Variants in KCNMA1 observed in about 807,000 individuals in gnomAD.
The protein encoded by KCNMA1 is Calcium-activated potassium channel subunit alpha-1.
Under a neutral mutation model 140.0 loss-of-function variants are expected in KCNMA1, and 29 were observed. The ratio of observed to expected loss-of-function variants is 0.21; its 90% CI spans 0.15 to 0.28. The LOEUF (loss-of-function observed/expected upper bound fraction) is 0.28. Among genes scored for constraint, KCNMA1 ranks in the 10% least tolerant of loss-of-function variants. The pLI, the probability that KCNMA1 is intolerant of heterozygous loss-of-function variation, is 1.00. For missense variants in KCNMA1, 880 were observed against 1,602.2 expected, an observed-to-expected ratio of 0.55 and a Z score of 7.70; for synonymous variants, 612 against 611.9, an observed-to-expected ratio of 1.00 and a Z score of 0.00.
At position 77,079,188 on chromosome 10, in the gene KCNMA1, T is replaced by C. The variant is rs570032877; in HGVS notation, c.1593+293A>G. Among the ~76,000 whole-genome samples the C allele has an allele frequency of 1.5e-4, 23 of 152,142 alleles. No individual in the cohort carries two copies. The South Asian group carries it at 4.4e-3, about 29-fold the overall frequency. On this transcript the variant is annotated intron_variant, in intron 13 of 27. Coordinates refer to ENST00000286628, the MANE Select transcript of KCNMA1 (RefSeq NM_001161352.2). The stretch of plus-strand genomic sequence containing the variant: ...AAGAGGCAGAGGCAGGAGAATTGCT[T>C]GAACTTGGGAGGTGGAGGTTGTGGG...
chr10:77,414,461 C>G (rs1272003999), intron 1 of KCNMA1, among the ~76,000 whole-genome samples: 3 of 152,074 alleles, frequency 2.0e-5, no homozygotes. Flanking sequence ...TCACAAGAAG[C>G]CTGCAAGATA....
chr10:77,189,521 T>C (rs759386837), intron 3 of KCNMA1, among the ~76,000 whole-genome samples: 10 of 151,812 alleles, frequency 6.6e-5, no homozygotes, highest in African/African-American at 2.4e-4. Flanking sequence ...AAAGGAAAAA[T>C]GATGAAGTAC....
intron 1 of KCNMA1, among the ~76,000 whole-genome samples, chr10:77,549,734 C>T (rs111245022): frequency 4.5e-4 from 69 of 152,350 alleles, no homozygotes; most frequent in African/African-American, 1.2e-3. Flanking sequence ...AGACTCTCAA[C>T]GCAACATAGA....
chr10:77,087,067 T>C (rs1224804233), intron 10 of KCNMA1, among the ~76,000 whole-genome samples: 1 of 152,184 alleles, frequency 6.6e-6, no homozygotes, highest in Non-Finnish European at 1.5e-5. Context: ...ATCCAGTCCT[T>C]TGAGGGTCTG....
intron 23 of KCNMA1, among the ~76,000 whole-genome samples, chr10:76,933,553 C>T (rs1023405845): frequency 6.6e-6 from 1 of 152,216 alleles, no homozygotes; most frequent in African/African-American, 2.4e-5. Context: ...TCTGTGCCTT[C>T]TGTTACTCAG....
chr10:77,540,895 C>T (rs1415240541), intron 1 of KCNMA1, among the ~76,000 whole-genome samples: 1 of 151,990 alleles, frequency 6.6e-6, no homozygotes, highest in Non-Finnish European at 1.5e-5. Flanking sequence ...ATCCCAACTA[C>T]TCAGGAGGCT....
intron 2 of KCNMA1, among the ~76,000 whole-genome samples, chr10:77,392,600 A>C (rs1603460545): frequency 1.3e-5 from 2 of 152,262 alleles, no homozygotes; most frequent in African/African-American, 4.8e-5. Flanking sequence ...ACATATGTCC[A>C]GCACATTGAA....
chr10:77,036,305 G>T (rs1565686351), intron 15 of KCNMA1, among the ~76,000 whole-genome samples: 1 of 152,196 alleles, frequency 6.6e-6, no homozygotes, highest in East Asian at 1.9e-4. Context: ...AGGACCTTCT[G>T]CCCCCACTGC....
rs1254202523 is a variant in KCNMA1 at position 77,039,548 on chromosome 10, C to A, written c.1839G>T (p.Leu613=). 6.2e-7 allele frequency: 1 copy of A among 1,606,398 alleles called. No individual in the cohort carries two copies. Among genetic ancestry groups the A allele is most frequent in the Non-Finnish European group, 8.5e-7 (1 of 1,173,032 alleles). Residue 613 remains leucine, a synonymous_variant, in exon 15 of 28, where the codon CTG becomes CTT. Transcript: ENST00000286628. The stretch of plus-strand genomic sequence containing the variant: ...CTTACTCACAAACAGTAGGGAAGGA[C>A]AGACCCACGAAGGCACTGGAGAGAT... ...TEYLSSAFVG[L]SFPTVCELCF...
At chr10:76,891,056 G>T (rs2039827523) in intron 26 of KCNMA1, among the ~76,000 whole-genome samples, 1 of 152,210 alleles carries the variant, frequency 6.6e-6, no homozygotes, top group Non-Finnish European at 1.5e-5. Flanking sequence ...ACCTCCATGT[G>T]CTATTAATGT....
intron 1 of KCNMA1, among the ~76,000 whole-genome samples, chr10:77,452,805 T>C (rs1264057232): frequency 6.6e-6 from 1 of 152,228 alleles, no homozygotes; most frequent in Non-Finnish European, 1.5e-5. Flanking sequence ...ATCCTTTATC[T>C]TGTGTCTGAT....
At chr10:77,007,224 T>C (rs927315777) in intron 18 of KCNMA1, among the ~76,000 whole-genome samples, 7 of 152,208 alleles carry the variant, frequency 4.6e-5, no homozygotes, top group African/African-American at 1.7e-4. Flanking sequence ...GACACTTGTA[T>C]TGACTTGTTC....
intron 23 of KCNMA1, among the ~76,000 whole-genome samples, chr10:76,933,243 C>G (rs1171099378): frequency 6.6e-6 from 1 of 152,194 alleles, no homozygotes; most frequent in Non-Finnish European, 1.5e-5. Context: ...CTGCAAACAA[C>G]AGATAGCAGG....
intron 2 of KCNMA1, among the ~76,000 whole-genome samples, chr10:77,279,258 G>A (rs16934440): frequency 0.011 from 1,636 of 152,314 alleles, 29 homozygotes; most frequent in African/African-American, 0.038. Flanking sequence ...ACTGGGAGAT[G>A]TTTAAGGCTT....
At chr10:76,907,242 A>G (rs181031889) in intron 25 of KCNMA1, among the ~76,000 whole-genome samples, 2 of 152,210 alleles carry the variant, frequency 1.3e-5, no homozygotes, top group Non-Finnish European at 2.9e-5. Flanking sequence ...TTTTGTGTGC[A>G]TTTCAAAGGA....
At chr10:77,543,338 G>A (rs1438163942) in intron 1 of KCNMA1, among the ~76,000 whole-genome samples, 2 of 152,118 alleles carry the variant, frequency 1.3e-5, no homozygotes, top group Non-Finnish European at 2.9e-5. Flanking sequence ...AGAGGTTTCA[G>A]GTAAGTCACA....
chr10:77,395,612 G>T (rs1474069057), intron 2 of KCNMA1, among the ~76,000 whole-genome samples: 1 of 152,228 alleles, frequency 6.6e-6, no homozygotes, highest in Non-Finnish European at 1.5e-5. Flanking sequence ...ATGCTGATAT[G>T]CATTGGCAAT....
At chr10:77,463,244 C>G (rs1566980164) in intron 1 of KCNMA1, among the ~76,000 whole-genome samples, 1 of 152,154 alleles carries the variant, frequency 6.6e-6, no homozygotes, top group Non-Finnish European at 1.5e-5. Context: ...AAGATACCAC[C>G]CACCATCATT....
At chr10:77,357,411 A>T (rs562231168) in intron 2 of KCNMA1, among the ~76,000 whole-genome samples, 59 of 152,330 alleles carry the variant, frequency 3.9e-4, no homozygotes, top group Admixed American at 3.1e-3. Flanking sequence ...ACAGTCAGAG[A>T]GTATCTGCCA....
Sources: allele counts gnomAD v4.1 joint callset (sites outside exome capture counted in the v4.1 genomes callset), GRCh38; gene constraint gnomAD v4.1.1; transcripts MANE v1.5; gene names NCBI Gene and HGNC (gene_info 2026-07-23, HGNC 2026-07-21).